SMG1: variants seen among roughly 807,000 people sequenced by gnomAD.
SMG1 encodes serine/threonine-protein kinase SMG1.
Under a neutral mutation model 419.9 loss-of-function variants are expected in SMG1, and 22 were observed. The observed-to-expected ratio is 0.05, with a 90% CI of 0.04 to 0.07. SMG1 has a LOEUF of 0.07. Ranked by LOEUF, SMG1 falls within the 10% of genes least tolerant of loss-of-function variation. SMG1 has a pLI of 1.00. For synonymous variants in SMG1, 1,538 were observed against 1,553.5 expected (o/e 0.99, Z 0.23); for missense variants, 3,185 against 4,342.0 (o/e 0.73, Z 7.49).
intron 51 of SMG1, among the ~76,000 whole-genome samples, chr16:18,831,613 G>A (rs1471805105): frequency 2.6e-5 from 4 of 150,978 alleles, no homozygotes; most frequent in South Asian, 4.2e-4. Context: ...TTTTCTAGCC[G>A]GGCATGGGGG....
chr16:18,913,011 A>T (rs1364503196), intron 1 of SMG1, among the ~76,000 whole-genome samples: 1 of 152,098 alleles, frequency 6.6e-6, no homozygotes, highest in African/African-American at 2.4e-5. Flanking sequence ...AATATATATG[A>T]ATTCTGGGTG....
rs182992845 is a variant in SMG1, at chr16:18,865,486, G to A, written c.3350+1135C>T. On this transcript the variant is annotated intron_variant, in intron 23 of 62. Transcript: ENST00000446231. ...TTCTAGTAAATCAGTTTATGAGAAT[G>A]GATTCCAAGAAAGTAATCAGAAATA... Among the ~76,000 whole-genome samples, 22 of 151,986 alleles carry A rather than the reference G, an allele frequency of 1.4e-4. No homozygotes were observed. The East Asian group carries it at 3.3e-3, about 23-fold the overall frequency.
At chr16:18,900,523 T>C (rs574282740) in intron 1 of SMG1, among the ~76,000 whole-genome samples, 1 of 152,336 alleles carries the variant, frequency 6.6e-6, no homozygotes, top group East Asian at 1.9e-4. Context: ...AAGTGTGAAG[T>C]CAGGGAATTC....
At chr16:18,884,954 G>A (rs1596594529) in intron 8 of SMG1, 136 bp downstream of exon 8, 1 of 643,584 alleles carries the variant, frequency 1.6e-6, no homozygotes, top group Non-Finnish European at 2.7e-6. Context: ...AACAAGTAAT[G>A]TTCATTTACA....
At position 18,876,396 on chromosome 16, in the gene SMG1, G is replaced by C. The variant is rs2036134740; in HGVS notation, c.1621-3C>G. 1 of 1,592,934 alleles carries C rather than the reference G, an allele frequency of 6.3e-7. No individual in the cohort carries two copies. Among genetic ancestry groups the C allele is most frequent in the African/African-American group, 1.3e-5 (1 of 74,094 alleles). Reference sequence around the variant, plus strand: ...ACAGCATGGGCTACAGCAACAACCTGAAAAACAAAAAATTCAAGGAAGTGA... The same window carrying C: ...ACAGCATGGGCTACAGCAACAACCTCAAAAACAAAAAATTCAAGGAAGTGA... On this transcript the variant is annotated splice_polypyrimidine_tract_variant and splice_region_variant and intron_variant, in intron 12 of 62. Transcript: ENST00000446231.
rs185628178 is a variant in SMG1 at position 18,893,345 on chromosome 16, G to A, written c.413-991C>T. Among the ~76,000 whole-genome samples, 272 of 152,304 alleles carry A rather than the reference G, an allele frequency of 1.8e-3. 2 individuals carry two copies. The highest frequency in any genetic ancestry group is 6.0e-3 in the African/African-American group (250 of 41,562). On this transcript the variant is annotated intron_variant, in intron 3 of 62. Transcript: ENST00000446231. The stretch of plus-strand genomic sequence containing the variant: ...TGCCTTTAAAAACTAGATTTTTGCT[G>A]GGCGAGGTGGCTCTTGCCTGTAATT...
At chr16:18,842,487 A>G (rs2033980251) in intron 39 of SMG1, 33 bp from the exon 40 acceptor site, 3 of 1,596,564 alleles carry the variant, frequency 1.9e-6, no homozygotes, top group African/African-American at 1.3e-5. Context: ...ACAAATTTAC[A>G]TTACATTAGA....
rs148412501 is a variant in SMG1 at position 18,844,570 on chromosome 16, T to TCTCACACACACACA, written c.6219+858_6219+859insTGTGTGTGTGTGAG. 3.7e-4 allele frequency among the ~76,000 whole-genome samples: 33 copies of TCTCACACACACACA among 88,544 alleles called. 3 individuals are homozygous for TCTCACACACACACA. Among genetic ancestry groups the TCTCACACACACACA allele is most frequent in the East Asian group, 1.1e-3 (4 of 3,744 alleles). The allele number at this position is 88,544 out of a possible 152,430, so 58.1% of individuals were successfully genotyped here. A position where few individuals can be genotyped will look rare whatever the true frequency, so the allele number is the denominator to read the frequency against. On this transcript the variant is annotated intron_variant, in intron 39 of 62. Coordinates refer to ENST00000446231, the MANE Select transcript of SMG1 (RefSeq NM_015092.5). The stretch of plus-strand genomic sequence containing the variant: ...ACACATAATAAACTTCATCCTTCTC[T>TCTCACACACACACA]CACACACACACACGGAAACTCGAGT...
intron 38 of SMG1, 39 bp from the exon 39 acceptor site, chr16:18,845,690 G>T: frequency 2.7e-6 from 4 of 1,475,412 alleles, no homozygotes; most frequent in Non-Finnish European, 2.8e-6. Flanking sequence ...ACTTAAATGT[G>T]TACATTAAAG....
chr16:18,853,969 C>G, intron 30 of SMG1, 102 bp from the exon 31 acceptor site: 1 of 1,079,696 alleles, frequency 9.3e-7, no homozygotes, highest in Non-Finnish European at 1.3e-6. Context: ...ATGACACCAC[C>G]ATGTTGATGG....
At chr16:18,831,770 A>C (rs373159486) in intron 51 of SMG1, among the ~76,000 whole-genome samples, 5 of 93,340 alleles carry the variant, frequency 5.4e-5, no homozygotes, top group African/African-American at 1.6e-4. Context: ...AAAAAAAAAA[A>C]ATACATATAT....
chr16:18,856,752 T>G (rs1260321636), intron 29 of SMG1: 1 of 152,038 alleles, frequency 6.6e-6, no homozygotes, highest in Non-Finnish European at 1.5e-5. Flanking sequence ...TGATCACCAT[T>G]ATATCACAAC....
rs542651238 is a variant in SMG1 at position 18,889,164 on chromosome 16, C to T, written c.822+208G>A. 2.7e-4 allele frequency among the ~76,000 whole-genome samples: 41 copies of T among 152,234 alleles called. 1 individual carries two copies. In the East Asian group the frequency reaches 7.9e-3, roughly 29 times the overall value. On this transcript the variant is annotated intron_variant, in intron 6 of 62. Transcript: ENST00000446231. Reference sequence around the variant, plus strand: ...TAGAAGAAATCTCTCCCTCTTTCTCCACATATATGCATATATGTATGTAGC... The same window carrying T: ...TAGAAGAAATCTCTCCCTCTTTCTCTACATATATGCATATATGTATGTAGC...
At chr16:18,842,089 CTAA>C (rs1443148284) in intron 40 of SMG1, 116 bp downstream of exon 40, 46 of 1,133,838 alleles carry the variant, frequency 4.1e-5, no homozygotes, top group Non-Finnish European at 4.8e-5. Flanking sequence ...GCACTGCAGG[CTAA>C]TAATGACATA....
intron 3 of SMG1, among the ~76,000 whole-genome samples, chr16:18,893,358 C>G (rs1567435192): frequency 6.6e-6 from 1 of 152,230 alleles, no homozygotes; most frequent in Non-Finnish European, 1.5e-5. Context: ...CGAGGTGGCT[C>G]TTGCCTGTAA....
Position 18,849,237 on chromosome 16 carries a change from C to T in SMG1, c.5603G>A (p.Ser1868Asn), listed in dbSNP as rs1179144278. 1.9e-6 allele frequency: 3 copies of T among 1,611,294 alleles called. No homozygotes were observed. Among genetic ancestry groups the T allele is most frequent in the Admixed American group, 3.3e-5 (2 of 59,762 alleles). ...CATACCTGAAGCCTGGGATTCACTA[C>T]TAAGCGATATGGTACCCACTATTGC... ...YPAIVGTISL[S>N]SESQASGNKF... The change falls in exon 36 of 63, where the codon AGT (serine) becomes AAT (asparagine). Residue 1868 changes from serine (S) to asparagine (N), a missense_variant. Around this residue, in one of 27 missense-constraint regions of SMG1, gnomAD observed 130 missense variants for 162.0 expected, o/e 0.80. Coordinates refer to ENST00000446231, the MANE Select transcript of SMG1 (RefSeq NM_015092.5).
chr16:18,841,697 G>A lies in SMG1; in HGVS notation c.6564C>T (p.Phe2188=). The A allele has an allele frequency of 1.2e-6, 2 of 1,613,972 alleles. No individual in the cohort carries two copies. Among genetic ancestry groups the A allele is most frequent in the Non-Finnish European group, 1.7e-6 (2 of 1,179,886 alleles). The part of the protein sequence containing the change: ...ATINRQETPR[F]HARHYSVTPL... ...GTGTTACAGAATAGTGTCGAGCATG[G>A]AACCGGGGTGTTTCTTGGCGATTAA... Residue 2188 remains phenylalanine (F), a synonymous_variant, in exon 41 of 63, where the codon TTC becomes TTT. Coordinates refer to ENST00000446231, the MANE Select transcript of SMG1 (RefSeq NM_015092.5).
rs1344383519 is a variant in SMG1 at position 18,854,845 on chromosome 16, C to A, written c.4294G>T (p.Ala1432Ser). The A allele has an allele frequency of 1.2e-6, 2 of 1,614,006 alleles. No individual in the cohort carries two copies. Among genetic ancestry groups the A allele is most frequent in the Non-Finnish European group, 1.7e-6 (2 of 1,179,878 alleles). ...MELGLTAAKF[A>S]RKRGNVSLAT... ...AGGGACACATTCCCTCGTTTTCTAG[C>A]AAATTTTGCTGCTGTTAGACCTAAT... is the stretch of plus-strand genomic sequence containing the variant. Residue 1432 changes from alanine (A) to serine (S), a missense_variant, in exon 30 of 63, where the codon GCT (alanine) becomes TCT (serine). By Grantham distance (99) the Ala-to-Ser change is moderately conservative. Coordinates refer to ENST00000446231, the MANE Select transcript of SMG1 (RefSeq NM_015092.5).
chr16:18,810,820 T>C (rs1254389136), intron 62 of SMG1, among the ~76,000 whole-genome samples: 1 of 152,156 alleles, frequency 6.6e-6, no homozygotes, highest in Non-Finnish European at 1.5e-5. Flanking sequence ...AAGAGACACA[T>C]GGTGAAGTTT....
Sources: gnomAD v4.1 joint callset for allele counts (sites outside exome capture counted in the v4.1 genomes callset) on GRCh38, gnomAD v4.1.1 for gene constraint, gnomAD v4.1.1 regional missense constraint, MANE v1.5 for transcripts, NCBI Gene and HGNC (gene_info 2026-07-23, HGNC 2026-07-21) for gene names.